Variants in FABP3 observed in about 807,000 individuals in gnomAD.
FABP3 encodes the protein fatty acid-binding protein, heart.
FABP3 carries 8 observed loss-of-function variants against 13.4 expected under a neutral mutation model. The ratio of observed to expected loss-of-function variants is 0.60; its 90% CI spans 0.35 to 1.07. The LOEUF (loss-of-function observed/expected upper bound fraction) is 1.07. Ranked by LOEUF, FABP3 falls within the 50% of genes least tolerant of loss-of-function variation. The pLI, the probability that FABP3 is intolerant of heterozygous loss-of-function variation, is 0.02. For missense variants in FABP3, 135 were observed against 164.7 expected (o/e 0.82, Z 0.99); for synonymous variants, 64 against 60.0 (o/e 1.07, Z -0.31).
intron 1 of FABP3, among the ~76,000 whole-genome samples, chr1:31,372,290 C>T (rs1249879001): frequency 6.6e-6 from 1 of 152,128 alleles, no homozygotes; most frequent in South Asian, 2.1e-4. Flanking sequence ...CCTCTTGCCC[C>T]ACCCTACCAC....
chr1:31,369,329 A>G (rs1640163832), intron 2 of FABP3, 56 bp downstream of exon 2: 5 of 1,573,332 alleles, frequency 3.2e-6, no homozygotes, highest in East Asian at 2.2e-5. Context: ...CTACCAGCCT[A>G]TTCTCTTTTA....
downstream of FABP3, among the ~76,000 whole-genome samples, chr1:31,362,082 T>C (rs1041568782): frequency 1.3e-5 from 2 of 152,214 alleles, no homozygotes; most frequent in African/African-American, 4.8e-5. Context: ...AGTGCTGGGA[T>C]TACAGGCATG....
At chr1:31,362,570 CTCTTT>C (rs1335638592), downstream of FABP3, among the ~76,000 whole-genome samples, 7 of 152,150 alleles carry the variant, frequency 4.6e-5, no homozygotes, top group African/African-American at 1.4e-4. Flanking sequence ...TCTTTCTCAG[CTCTTT>C]TCTTTATGAG....
chr1:31,371,709 A>G (rs1478943018), intron 1 of FABP3, among the ~76,000 whole-genome samples: 1 of 152,110 alleles, frequency 6.6e-6, no homozygotes, highest in African/African-American at 2.4e-5. Flanking sequence ...GGGCATTCCA[A>G]CTTCCCAATA....
rs1303131629 is a variant in FABP3 at position 31,365,463 on chromosome 1, A to G, written c.*423T>C. On this transcript the variant is annotated 3_prime_UTR_variant, in exon 4 of 4. Transcript: ENST00000373713. ...GGGGGGCAGTGTAAAGGCAACGTGTAGGTACAGCTCTTTTATTATTAAATG... is the reference window on the plus strand; with the variant it reads ...GGGGGGCAGTGTAAAGGCAACGTGTGGGTACAGCTCTTTTATTATTAAATG... Among the ~76,000 whole-genome samples, 1 of 152,188 alleles carries G rather than the reference A, an allele frequency of 6.6e-6. No homozygotes were observed. Among genetic ancestry groups the G allele is most frequent in the Non-Finnish European group, 1.5e-5 (1 of 68,024 alleles).
intron 1 of FABP3, 114 bp downstream of exon 1, chr1:31,372,828 G>A (rs747831029): frequency 4.6e-5 from 47 of 1,031,418 alleles, no homozygotes; most frequent in African/African-American, 1.3e-4. Context: ...CCATCTCCGC[G>A]CTCCCCTATT....
chr1:31,372,288 C>G (rs1640221807), intron 1 of FABP3, among the ~76,000 whole-genome samples: 1 of 152,094 alleles, frequency 6.6e-6, no homozygotes, highest in Non-Finnish European at 1.5e-5. Context: ...GGCCTCTTGC[C>G]CCACCCTACC....
chr1:31,360,236 CT>C, the FABP3 span, among the ~76,000 whole-genome samples: 1 of 151,340 alleles, frequency 6.6e-6, no homozygotes. Flanking sequence ...GTGGCGCGAT[CT>C]TGGCTCACCA....
intron 1 of FABP3, among the ~76,000 whole-genome samples, chr1:31,370,103 CAAA>C (rs10645207): frequency 1.4e-5 from 2 of 139,282 alleles, no homozygotes; most frequent in African/African-American, 2.7e-5. Context: ...GATTCCACCT[CAAA>C]AAAAAAAAAA....
chr1:31,362,546 A>G (rs932863054), downstream of FABP3, among the ~76,000 whole-genome samples: 9 of 152,134 alleles, frequency 5.9e-5, no homozygotes, highest in East Asian at 1.9e-4. Context: ...TGGTGGGTAT[A>G]GTTTTGGGAA....
downstream of FABP3, among the ~76,000 whole-genome samples, chr1:31,363,082 A>G (rs1639980645): frequency 6.6e-6 from 1 of 152,174 alleles, no homozygotes; most frequent in African/African-American, 2.4e-5. Context: ...ACTGGAACCT[A>G]CAATACATAT....
In FABP3 at chr1:31,372,845, T is replaced by A. The variant is rs569963586; in HGVS notation, c.73+97A>T. 726 of 1,238,292 alleles carry A rather than the reference T, an allele frequency of 5.9e-4. 1 individual carries two copies. Among genetic ancestry groups the A allele is most frequent in the Non-Finnish European group, 7.3e-4 (623 of 853,016 alleles). The allele number at this position is 1,238,292 out of a possible 1,614,324, so 76.7% of individuals were successfully genotyped here. On this transcript the variant is annotated intron_variant, in intron 1 of 3. Coordinates refer to ENST00000373713, the MANE Select transcript of FABP3 (RefSeq NM_004102.5). ...ATCTCCGCGCTCCCCTATTCCCCAG[T>A]CTTAACCAGGAGGGATGCGGCAGGA...
At chr1:31,365,991 G>A (rs1376053932) in intron 3 of FABP3, 52 bp from the exon 4 acceptor site, 11 of 1,525,660 alleles carry the variant, frequency 7.2e-6, no homozygotes, top group South Asian at 5.7e-5. Context: ...ACACCATTGC[G>A]AGCATTCTAC....
intron 1 of FABP3, among the ~76,000 whole-genome samples, chr1:31,372,639 C>A (rs1230410865): frequency 1.3e-5 from 2 of 152,162 alleles, no homozygotes; most frequent in African/African-American, 4.8e-5. Context: ...CACTCCCTTT[C>A]CTGTGATCAG....
intron 1 of FABP3, among the ~76,000 whole-genome samples, chr1:31,371,133 C>T (rs774969708): frequency 5.9e-5 from 9 of 152,324 alleles, no homozygotes; most frequent in Admixed American, 1.3e-4. Context: ...TGGTACTAGA[C>T]GGGACCTCTT....
At chr1:31,359,983 CTTT>C in the FABP3 span, among the ~76,000 whole-genome samples, 2 of 145,204 alleles carry the variant, frequency 1.4e-5, no homozygotes, top group Non-Finnish European at 1.5e-5. Context: ...GAACTACAAC[CTTT>C]TTTTTTTTTT....
At chr1:31,364,530 G>A, downstream of FABP3, 1 of 293,060 alleles carries the variant, frequency 3.4e-6, no homozygotes, top group Non-Finnish European at 6.5e-6. Flanking sequence ...AGGAGTCCAG[G>A]CTAGAGCCAC....
intron 1 of FABP3, 51 bp downstream of exon 1, chr1:31,372,891 C>T: frequency 1.9e-6 from 3 of 1,553,320 alleles, no homozygotes; most frequent in Non-Finnish European, 2.7e-6. Flanking sequence ...GGGCTAGGCA[C>T]GCCACCAGCC....
At chr1:31,364,188 G>C, downstream of FABP3, 1 of 1,613,122 alleles carries the variant, frequency 6.2e-7, no homozygotes, top group African/African-American at 1.3e-5. Context: ...GAAGCACAAG[G>C]AGTGAGAGTA....
Sources: gnomAD v4.1 joint callset for allele counts (sites outside exome capture counted in the v4.1 genomes callset) on GRCh38, gnomAD v4.1.1 for gene constraint, MANE v1.5 for transcripts, NCBI Gene and HGNC (gene_info 2026-07-23, HGNC 2026-07-21) for gene names.